The following XIAP variants were observed in gnomAD, a reference collection of about 807,000 sequenced individuals.
XIAP encodes E3 ubiquitin-protein ligase XIAP.
A neutral mutation model predicts 33.1 loss-of-function variants in XIAP; 3 were observed. That is an observed-to-expected ratio of 0.09 (90% CI 0.04 to 0.23). XIAP has a LOEUF of 0.23. XIAP is among the 10% of genes least tolerant of loss of function. The probability of loss-of-function intolerance (pLI) is 1.00; values close to 1 mark genes in which losing one functional copy is unlikely to be tolerated. For missense variants in XIAP, 264 were observed against 363.0 expected, an observed-to-expected ratio of 0.73 and a Z score of 2.22; for synonymous variants, 98 against 121.3, an observed-to-expected ratio of 0.81 and a Z score of 1.26.
intron 2 of XIAP, among the ~76,000 whole-genome samples, chrX:123,887,581 A>G: frequency 8.9e-6 from 1 of 112,479 alleles, no homozygotes; most frequent in Non-Finnish European, 1.9e-5. Flanking sequence ...GAAACTTACA[A>G]TTTCATTATG....
chrX:123,876,203 G>A (rs1029356500), intron 1 of XIAP, among the ~76,000 whole-genome samples: 2 of 100,293 alleles, frequency 2.0e-5, no homozygotes, highest in South Asian at 4.2e-4. Flanking sequence ...GTGAGCCACC[G>A]CATGTGACCT....
At chrX:123,886,618 C>A in intron 2 of XIAP, 79 bp downstream of exon 2, 1 of 1,042,305 alleles carries the variant, frequency 9.6e-7, no homozygotes, top group South Asian at 2.0e-5. Context: ...GCCCTTAGCC[C>A]CCTGAACTGG....
chrX:123,913,262 A>G lies in XIAP; in HGVS notation c.*6081A>G, dbSNP rs773552965. On this transcript the variant is annotated 3_prime_UTR_variant, in exon 7 of 7. Transcript: ENST00000371199. Reference sequence around the variant, plus strand: ...TGAGGCAGGCGGCTCACCTGAGGTCAGGAGTTGGAGACCAGCCTGGCCAAC... The same window carrying G: ...TGAGGCAGGCGGCTCACCTGAGGTCGGGAGTTGGAGACCAGCCTGGCCAAC... 6.1e-6 allele frequency: 2 copies of G among 325,821 alleles called. No homozygotes were observed. Among genetic ancestry groups the G allele is most frequent in the Non-Finnish European group, 1.2e-5 (2 of 169,130 alleles). 26.9% of individuals were successfully genotyped at this position (325,821 alleles called of 1,213,427 possible). A position where few individuals can be genotyped will look rare whatever the true frequency, so the allele number is the denominator to read the frequency against.
rs1310080354 is a variant in XIAP at position 123,908,807 on chromosome X, T to A, written c.*1626T>A. On this transcript the variant is annotated 3_prime_UTR_variant, in exon 7 of 7. Coordinates refer to ENST00000371199, the MANE Select transcript of XIAP (RefSeq NM_001167.4). ...AGGGTATAAACTAGAAGTTTAAAAA[T>A]GCTTCATAGAACGTCCAGGGTTTAC... 4 of 346,802 alleles carry A rather than the reference T, an allele frequency of 1.2e-5. No homozygotes were observed. Among genetic ancestry groups the A allele is most frequent in the Non-Finnish European group, 2.2e-5 (4 of 181,519 alleles). 28.6% of individuals were successfully genotyped at this position (346,802 alleles called of 1,213,427 possible). A position where few individuals can be genotyped will look rare whatever the true frequency, so the allele number is the denominator to read the frequency against.
intron 6 of XIAP, among the ~76,000 whole-genome samples, chrX:123,901,289 C>T (rs1362822835): frequency 4.5e-5 from 5 of 111,430 alleles, no homozygotes; most frequent in Admixed American, 9.6e-5. Context: ...GGAGGCTGAG[C>T]GGGGAAGATC....
intron 4 of XIAP, among the ~76,000 whole-genome samples, chrX:123,891,718 G>A (rs1238494740): frequency 9.2e-6 from 1 of 108,721 alleles, no homozygotes; most frequent in African/African-American, 3.4e-5. Context: ...CTACTTGGGC[G>A]GCTGAGGCGG....
chrX:123,873,571 T>A (rs951005324), intron 1 of XIAP, among the ~76,000 whole-genome samples: 25 of 109,109 alleles, frequency 2.3e-4, no homozygotes, highest in African/African-American at 7.9e-4. Flanking sequence ...GCAGATCACT[T>A]GAGATGAGGA....
chrX:123,909,209 T>G lies in XIAP; in HGVS notation c.*2028T>G, dbSNP rs751782102. On this transcript the variant is annotated 3_prime_UTR_variant, in exon 7 of 7. Coordinates refer to ENST00000371199, the MANE Select transcript of XIAP (RefSeq NM_001167.4). ...ATGCCCGACTAATTTTTTTTTATTT[T>G]TAGTAGAGACGGGGTTTCACCATGT... 94 of 286,454 alleles carry G rather than the reference T, an allele frequency of 3.3e-4. No individual in the cohort carries two copies. The highest frequency in any genetic ancestry group is 2.2e-3 in the African/African-American group (79 of 35,274). The allele number at this position is 286,454 out of a possible 1,213,427, so 23.6% of individuals were successfully genotyped here. A position where few individuals can be genotyped will look rare whatever the true frequency, so the allele number is the denominator to read the frequency against.
chrX:123,871,407 A>C (rs1325711668), intron 1 of XIAP, among the ~76,000 whole-genome samples: 1 of 112,735 alleles, frequency 8.9e-6, no homozygotes, highest in East Asian at 2.8e-4. Context: ...TGTCAGAATA[A>C]GTTATCTGGA....
At position 123,912,748 on chromosome X, in the gene XIAP, A is replaced by G. The variant is rs746759024; in HGVS notation, c.*5567A>G. 1.8e-5 allele frequency: 6 copies of G among 325,684 alleles called. No homozygotes were observed. The highest frequency in any genetic ancestry group is 9.8e-5 in the East Asian group (1 of 10,179). The allele number at this position is 325,684 out of a possible 1,213,427, so 26.8% of individuals were successfully genotyped here. ...TGCCCAGGATGGAGTGCAATGGCACAATCTTGGCTCATGGCAAACTCTGCC... is the reference window on the plus strand; with the variant it reads ...TGCCCAGGATGGAGTGCAATGGCACGATCTTGGCTCATGGCAAACTCTGCC... On this transcript the variant is annotated 3_prime_UTR_variant, in exon 7 of 7. Coordinates refer to ENST00000371199, the MANE Select transcript of XIAP (RefSeq NM_001167.4).
At position 123,861,851 on chromosome X, in the gene XIAP, C is replaced by G. The variant is rs187830133; in HGVS notation, c.-33+1558C>G. Among the ~76,000 whole-genome samples, 147 of 111,477 alleles carry G rather than the reference C, an allele frequency of 1.3e-3. 2 individuals carry two copies. The highest frequency in any genetic ancestry group is 0.013 in the Admixed American group (133 of 10,381). On this transcript the variant is annotated intron_variant, in intron 1 of 6. Coordinates refer to ENST00000371199, the MANE Select transcript of XIAP (RefSeq NM_001167.4). The stretch of plus-strand genomic sequence containing the variant: ...ACCTCATTATTGGATACTCATGTTT[C>G]GTTTTCTTGTATTGCTCTCTCCTAA...
chrX:123,872,739 C>A (rs2053206073), intron 1 of XIAP: 1 of 111,250 alleles, frequency 9.0e-6, no homozygotes, highest in Admixed American at 9.7e-5. Context: ...GTTTCTCAGC[C>A]CTTCTCTTCT....
rs1009490014 is a variant in XIAP, at chrX:123,909,325, C to T, written c.*2144C>T. On this transcript the variant is annotated 3_prime_UTR_variant, in exon 7 of 7. Coordinates refer to ENST00000371199, the MANE Select transcript of XIAP (RefSeq NM_001167.4). ...GGATTACAGGCTTGAGCCACCACGC[C>T]CGGCTAAAACATTGCAAATTTAAAT... The T allele has an allele frequency of 3.4e-5, 11 of 327,405 alleles. No homozygotes were observed. The highest frequency in any genetic ancestry group is 5.3e-5 in the African/African-American group (2 of 37,513). 27.0% of individuals were successfully genotyped at this position (327,405 alleles called of 1,213,427 possible). A position where few individuals can be genotyped will look rare whatever the true frequency, so the allele number is the denominator to read the frequency against.
At chrX:123,880,850 C>T (rs1409185744) in intron 1 of XIAP, among the ~76,000 whole-genome samples, 1 of 110,217 alleles carries the variant, frequency 9.1e-6, no homozygotes, top group African/African-American at 3.3e-5. Context: ...CCCACATTCT[C>T]GCTAGATTAG....
chrX:123,886,370 T>C lies in XIAP; in HGVS notation c.708T>C (p.Asn236=). The change falls in exon 2 of 7, where the codon AAT becomes AAC. Residue 236 remains asparagine, a synonymous_variant. Coordinates refer to ENST00000371199, the MANE Select transcript of XIAP (RefSeq NM_001167.4). ...NCFFVLGRNL[N]IRSESDAVSS... is the part of the protein sequence containing the mutation. The stretch of plus-strand genomic sequence containing the variant: ...TCTTTGTTTTGGGCCGGAATCTTAA[T>C]ATTCGAAGTGAATCTGATGCTGTGA... The C allele has an allele frequency of 2.5e-6, 3 of 1,212,102 alleles. No homozygotes were observed. The East Asian group carries it at 8.9e-5, about 36-fold the overall frequency.
intron 1 of XIAP, among the ~76,000 whole-genome samples, chrX:123,870,143 G>A (rs769520776): frequency 8.9e-6 from 1 of 112,534 alleles, no homozygotes; most frequent in Admixed American, 9.5e-5. Context: ...TGTATTTTTA[G>A]TAGAGACAGG....
At chrX:123,884,210 G>T (rs1007880144) in intron 1 of XIAP, among the ~76,000 whole-genome samples, 3 of 111,789 alleles carry the variant, frequency 2.7e-5, no homozygotes, top group Non-Finnish European at 5.6e-5. Context: ...ATGGCAGGGC[G>T]CGGTGGCTCA....
At chrX:123,903,334 A>T (rs1294827128) in intron 6 of XIAP, among the ~76,000 whole-genome samples, 1 of 108,564 alleles carries the variant, frequency 9.2e-6, no homozygotes, top group Non-Finnish European at 1.9e-5. Flanking sequence ...GATTATAGGC[A>T]TGTGCCACCA....
intron 2 of XIAP, among the ~76,000 whole-genome samples, chrX:123,888,004 T>A (rs6648552): frequency 0.31 from 20,858 of 66,329 alleles, 1,966 homozygotes; most frequent in Admixed American, 0.34. Context: ...TAATAATAAT[T>A]AATAAATAAA....
Sources: allele counts gnomAD v4.1 joint callset (sites outside exome capture counted in the v4.1 genomes callset), GRCh38; gene constraint gnomAD v4.1.1; transcripts MANE v1.5; gene names NCBI Gene and HGNC (gene_info 2026-07-23, HGNC 2026-07-21).